SENP7: variants seen among roughly 807,000 people sequenced by gnomAD.
The protein encoded by SENP7 is sentrin-specific protease 7.
SENP7 carries 64 observed loss-of-function variants against 141.2 expected under a neutral mutation model. That is an observed-to-expected ratio of 0.45 (90% CI 0.37 to 0.56). The LOEUF is 0.56. Ranked by LOEUF, SENP7 falls within the 20% of genes least tolerant of loss-of-function variation. The pLI is 0.00. For synonymous variants in SENP7, 382 were observed against 426.4 expected (o/e 0.90, Z 1.28); for missense variants, 1,025 against 1,212.2 (o/e 0.85, Z 2.29).
intron 2 of SENP7, 111 bp downstream of exon 2, chr3:101,500,959 C>A: frequency 1.3e-6 from 1 of 750,168 alleles, no homozygotes; most frequent in South Asian, 1.7e-5. Context: ...AAAACACTGA[C>A]TAAAGTTTTA....
chr3:101,413,471 A>T (rs2061510684), intron 5 of SENP7, among the ~76,000 whole-genome samples: 1 of 152,230 alleles, frequency 6.6e-6, no homozygotes. Context: ...TCTGGTGAGA[A>T]GCAATCTCTT....
intron 3 of SENP7, among the ~76,000 whole-genome samples, chr3:101,466,453 T>C (rs1303671504): frequency 6.6e-6 from 1 of 152,166 alleles, no homozygotes; most frequent in Non-Finnish European, 1.5e-5. Flanking sequence ...TGATGATATA[T>C]TACAAGTGCT....
chr3:101,459,505 T>G (rs1257095855), intron 3 of SENP7, among the ~76,000 whole-genome samples: 2 of 152,184 alleles, frequency 1.3e-5, no homozygotes, highest in African/African-American at 4.8e-5. Context: ...AGATTAAATA[T>G]GACTAGAATA....
chr3:101,467,498 C>A (rs562754172), intron 3 of SENP7, among the ~76,000 whole-genome samples: 1 of 152,224 alleles, frequency 6.6e-6, no homozygotes, highest in East Asian at 1.9e-4. Context: ...AAGGATCAGG[C>A]AGCAATATTT....
At chr3:101,440,942 A>C (rs889752472) in intron 4 of SENP7, among the ~76,000 whole-genome samples, 3 of 152,192 alleles carry the variant, frequency 2.0e-5, no homozygotes, top group Admixed American at 2.0e-4. Flanking sequence ...ACATGCATAC[A>C]TTATTTTGAA....
At chr3:101,510,996 G>A (rs899608167) in intron 1 of SENP7, among the ~76,000 whole-genome samples, 5 of 151,960 alleles carry the variant, frequency 3.3e-5, no homozygotes, top group African/African-American at 4.8e-5. Flanking sequence ...TTAAATATAC[G>A]CTATTAAGAA....
At chr3:101,488,268 T>C (rs1249056171) in intron 3 of SENP7, among the ~76,000 whole-genome samples, 1 of 152,154 alleles carries the variant, frequency 6.6e-6, no homozygotes, top group Non-Finnish European at 1.5e-5. Flanking sequence ...CTGGACATTA[T>C]TTGGTGTCTA....
At chr3:101,393,995 T>TGCA (rs1286299618) in intron 6 of SENP7, among the ~76,000 whole-genome samples, 2 of 152,202 alleles carry the variant, frequency 1.3e-5, no homozygotes, top group Admixed American at 6.5e-5. Context: ...TTCTAGCTAT[T>TGCA]TTAAAATATA....
Position 101,333,034 on chromosome 3 carries a change from T to G in SENP7, c.2481-172A>C, listed in dbSNP as rs535395977. On this transcript the variant is annotated intron_variant, in intron 17 of 23. Coordinates refer to ENST00000394095, the MANE Select transcript of SENP7 (RefSeq NM_020654.5). ...ATCTCCTTATAGTAACCCCTGGTTA[T>G]TCTTAAATTTAATAACTATAAACAA... The G allele has an allele frequency of 8.6e-6, 5 of 583,450 alleles. No homozygotes were observed. In the East Asian group the frequency reaches 1.7e-4, roughly 20 times the overall value. The allele number at this position is 583,450 out of a possible 1,614,324, so 36.1% of individuals were successfully genotyped here.
intron 6 of SENP7, among the ~76,000 whole-genome samples, chr3:101,377,185 T>C (rs1459482467): frequency 2.0e-5 from 3 of 152,108 alleles, no homozygotes; most frequent in African/African-American, 7.2e-5. Flanking sequence ...ACACAGGAGT[T>C]CCCAGTCCAA....
At chr3:101,390,772 C>T (rs1316526961) in intron 6 of SENP7, among the ~76,000 whole-genome samples, 1 of 152,178 alleles carries the variant, frequency 6.6e-6, no homozygotes, top group Non-Finnish European at 1.5e-5. Context: ...ATTTACAAAA[C>T]ATTTCACCCA....
At chr3:101,398,797 A>G (rs1222389665) in intron 6 of SENP7, 64 bp downstream of exon 6, 3 of 1,160,594 alleles carry the variant, frequency 2.6e-6, no homozygotes, top group Non-Finnish European at 3.6e-6. Context: ...TCTGTGAAAA[A>G]GAACAGGGAA....
intron 6 of SENP7, 48 bp downstream of exon 6, chr3:101,398,813 C>T (rs2061047432): frequency 7.8e-7 from 1 of 1,288,390 alleles, no homozygotes; most frequent in Non-Finnish European, 1.1e-6. Context: ...GGGAAGGATA[C>T]ATAAAAATAA....
At chr3:101,326,361 A>G (rs1431279564) in intron 23 of SENP7, among the ~76,000 whole-genome samples, 1 of 152,042 alleles carries the variant, frequency 6.6e-6, no homozygotes, top group African/African-American at 2.4e-5. Flanking sequence ...ACCCAACATA[A>G]TAGATATTTA....
At chr3:101,498,916 G>A (rs1403658908) in intron 2 of SENP7, among the ~76,000 whole-genome samples, 1 of 152,132 alleles carries the variant, frequency 6.6e-6, no homozygotes, top group Non-Finnish European at 1.5e-5. Context: ...GTTTCATCCC[G>A]AAACCATCTT....
chr3:101,334,358 G>A (rs888618603), intron 17 of SENP7, among the ~76,000 whole-genome samples: 31 of 152,232 alleles, frequency 2.0e-4, no homozygotes, highest in Non-Finnish European at 8.8e-5. Flanking sequence ...TTAACAGGGG[G>A]ATAAAGGTGG....
intron 11 of SENP7, among the ~76,000 whole-genome samples, chr3:101,353,899 C>T (rs980030379): frequency 6.6e-6 from 1 of 151,880 alleles, no homozygotes; most frequent in Non-Finnish European, 1.5e-5. Flanking sequence ...AGTAGGTAGT[C>T]ACTGAATATA....
intron 20 of SENP7, among the ~76,000 whole-genome samples, chr3:101,328,959 T>C (rs1284223357): frequency 6.6e-6 from 1 of 152,210 alleles, no homozygotes; most frequent in African/African-American, 2.4e-5. Context: ...CCATTCCAAG[T>C]TATTATCTTA....
intron 6 of SENP7, among the ~76,000 whole-genome samples, chr3:101,389,355 T>G (rs1248907854): frequency 6.6e-6 from 1 of 151,984 alleles, no homozygotes; most frequent in Non-Finnish European, 1.5e-5. Context: ...CACATCATGG[T>G]CAAACTACCA....
Sources: gnomAD v4.1 joint callset for allele counts (sites outside exome capture counted in the v4.1 genomes callset) on GRCh38, gnomAD v4.1.1 for gene constraint, MANE v1.5 for transcripts, NCBI Gene and HGNC (gene_info 2026-07-23, HGNC 2026-07-21) for gene names.